The following ANK3 variants were observed in gnomAD, a reference collection of about 807,000 sequenced individuals.
The protein encoded by ANK3 is ankyrin 3, also known as ankyrin-3.
A neutral mutation model predicts 370.9 loss-of-function variants in ANK3; 57 were observed. That is an observed-to-expected ratio of 0.15 (90% CI 0.12 to 0.19). The LOEUF (loss-of-function observed/expected upper bound fraction) is 0.19, where lower values mean the gene tolerates loss of function less well. ANK3 is among the 10% of genes least tolerant of loss of function. ANK3 has a pLI of 1.00. For synonymous variants in ANK3, 1,929 were observed against 1,946.3 expected (o/e 0.99, Z 0.23); for missense variants, 4,439 against 5,302.1 (o/e 0.84, Z 5.06).
intron 23 of ANK3, chr10:60,140,682 G>T: frequency 7.9e-7 from 1 of 1,272,888 alleles, no homozygotes; most frequent in Non-Finnish European, 9.9e-7. Context: ...AGCTCCTTCT[G>T]ATTGGATTAA....
chr10:60,699,556 T>C (rs1243638958), intron 1 of ANK3, among the ~76,000 whole-genome samples: 1 of 152,046 alleles, frequency 6.6e-6, no homozygotes, highest in African/African-American at 2.4e-5. Flanking sequence ...AAGCCTATGT[T>C]CATAGAAAAT....
chr10:60,216,645 T>C (rs2132470002), intron 8 of ANK3, among the ~76,000 whole-genome samples: 1 of 152,328 alleles, frequency 6.6e-6, no homozygotes, highest in African/African-American at 2.4e-5. Context: ...AGTTTTTTGA[T>C]GTGCTGCTGG....
rs2097322187 is a variant in ANK3, at chr10:60,235,694, C to T, written c.799-908G>A. On this transcript the variant is annotated intron_variant, in intron 7 of 43. Coordinates refer to ENST00000280772, the MANE Select transcript of ANK3 (RefSeq NM_020987.5). ...GGAACTACAGGTGTGCACCACCATG[C>T]CTGGCTTCTTATTCTTGTGTAGCAG... 1.3e-5 allele frequency among the ~76,000 whole-genome samples: 2 copies of T among 151,846 alleles called. 1 individual carries two copies.
chr10:60,218,738 G>A (rs1264513757), intron 8 of ANK3, among the ~76,000 whole-genome samples: 1 of 151,902 alleles, frequency 6.6e-6, no homozygotes, highest in East Asian at 1.9e-4. Context: ...TTAGACCTTG[G>A]AGAGTCTGAT....
intron 16 of ANK3, among the ~76,000 whole-genome samples, chr10:60,193,127 G>A (rs184138365): frequency 3.9e-4 from 60 of 152,306 alleles, no homozygotes; most frequent in Non-Finnish European, 7.1e-4. Flanking sequence ...CTCTTATGGA[G>A]GCAATTGTGT....
At chr10:60,080,121 C>T (rs926155349) in intron 36 of ANK3, among the ~76,000 whole-genome samples, 4 of 152,098 alleles carry the variant, frequency 2.6e-5, no homozygotes, top group Non-Finnish European at 5.9e-5. Context: ...TAGGATATGA[C>T]AACCTATCTA....
intron 26 of ANK3, among the ~76,000 whole-genome samples, chr10:60,109,941 T>C (rs1010472643): frequency 6.6e-6 from 1 of 152,184 alleles, no homozygotes; most frequent in Non-Finnish European, 1.5e-5. Context: ...CACAGAGTTA[T>C]AAGTAAACAT....
chr10:60,240,155 C>CATATATACACATATATATACAT (rs2097419092), intron 7 of ANK3, among the ~76,000 whole-genome samples: 9 of 116,632 alleles, frequency 7.7e-5, no homozygotes, highest in Non-Finnish European at 1.0e-4. Context: ...CATATATATA[C>CATATATACACATATATATACAT]ATATATACAC....
At chr10:60,655,143 G>T (rs1461187184) in intron 1 of ANK3, among the ~76,000 whole-genome samples, 2 of 151,522 alleles carry the variant, frequency 1.3e-5, no homozygotes, top group African/African-American at 4.9e-5. Context: ...TTATGTTACT[G>T]CTTTATGTAT....
chr10:60,273,397 G>A (rs2098032164), intron 4 of ANK3, among the ~76,000 whole-genome samples: 1 of 151,936 alleles, frequency 6.6e-6, no homozygotes, highest in Non-Finnish European at 1.5e-5. Context: ...ACAATTTAGT[G>A]GCTTTAAGTA....
At chr10:60,034,106 G>GTTTTT (rs61678524) in intron 43 of ANK3, among the ~76,000 whole-genome samples, 5 of 115,892 alleles carry the variant, frequency 4.3e-5, no homozygotes, top group Admixed American at 8.8e-5. Context: ...TTGTTTTTTG[G>GTTTTT]TTTTTTTTTT....
At chr10:60,374,695 C>T (rs533987705) in intron 1 of ANK3, among the ~76,000 whole-genome samples, 2 of 152,060 alleles carry the variant, frequency 1.3e-5, no homozygotes, top group Non-Finnish European at 2.9e-5. Context: ...GAGTAGAAAA[C>T]AAGAACACTG....
At chr10:60,168,918 A>C (rs895886376) in intron 21 of ANK3, among the ~76,000 whole-genome samples, 1 of 152,188 alleles carries the variant, frequency 6.6e-6, no homozygotes, top group South Asian at 2.1e-4. Context: ...GTGTATATGT[A>C]CCACATTTTC....
chr10:60,495,733 G>A (rs911025395), intron 2 of ANK3, among the ~76,000 whole-genome samples: 1 of 152,114 alleles, frequency 6.6e-6, no homozygotes, highest in Non-Finnish European at 1.5e-5. Context: ...AGAGGAAAGA[G>A]AAGAGGAAAT....
At chr10:60,669,845 C>G (rs1318410802) in intron 1 of ANK3, among the ~76,000 whole-genome samples, 1 of 152,094 alleles carries the variant, frequency 6.6e-6, no homozygotes. Flanking sequence ...TTTTTTGAGA[C>G]AGGGCCTTGC....
chr10:60,056,430 C>A (rs1445214278), intron 41 of ANK3, among the ~76,000 whole-genome samples: 2 of 152,062 alleles, frequency 1.3e-5, no homozygotes, highest in Non-Finnish European at 2.9e-5. Context: ...GATTGTGCCA[C>A]TGTATTTCAG....
At chr10:60,313,510 CT>C (rs1218578628) in intron 1 of ANK3, among the ~76,000 whole-genome samples, 1 of 152,148 alleles carries the variant, frequency 6.6e-6, no homozygotes, top group Non-Finnish European at 1.5e-5. Flanking sequence ...CTGTCCACAG[CT>C]TATCTCTTTG....
chr10:60,663,804 T>C (rs1180882777), intron 1 of ANK3, among the ~76,000 whole-genome samples: 1 of 152,248 alleles, frequency 6.6e-6, no homozygotes, highest in African/African-American at 2.4e-5. Flanking sequence ...ATTATTTCTG[T>C]ATAAAGCTTT....
intron 6 of ANK3, 60 bp downstream of exon 6, chr10:60,263,775 A>C: frequency 6.3e-7 from 1 of 1,597,440 alleles, no homozygotes; most frequent in Non-Finnish European, 8.6e-7. Context: ...GGGTGCTCTT[A>C]AAGGTTGTGT....
Sources: gnomAD v4.1 joint callset for allele counts (sites outside exome capture counted in the v4.1 genomes callset) on GRCh38, gnomAD v4.1.1 for gene constraint, MANE v1.5 for transcripts, NCBI Gene and HGNC (gene_info 2026-07-23, HGNC 2026-07-21) for gene names.